RBFOX1: variants seen among roughly 807,000 people sequenced by gnomAD.
The protein encoded by RBFOX1 is RNA binding fox-1 homolog 1.
RBFOX1 carries 8 observed loss-of-function variants against 57.7 expected under a neutral mutation model. That is an observed-to-expected ratio of 0.14 (90% CI 0.08 to 0.25). RBFOX1 has a LOEUF of 0.25. Among genes scored for constraint, RBFOX1 ranks in the 10% least tolerant of loss-of-function variants. RBFOX1 has a pLI of 1.00. For missense variants in RBFOX1, 611 were observed against 548.5 expected, an observed-to-expected ratio of 1.11 and a Z score of -1.14; for synonymous variants, 326 against 222.4, an observed-to-expected ratio of 1.47 and a Z score of -4.15.
chr16:7,500,588 G>T (rs535554147), intron 4 of RBFOX1, among the ~76,000 whole-genome samples: 75 of 152,272 alleles, frequency 4.9e-4, no homozygotes, highest in Middle Eastern at 3.4e-3. Flanking sequence ...ACAGTTTGAT[G>T]CATTGGAAAT....
At position 5,948,822 on chromosome 16, in the gene RBFOX1, G is replaced by A. The variant is rs756255458; in HGVS notation, c.351+81487G>A. 2.0e-5 allele frequency among the ~76,000 whole-genome samples: 3 copies of A among 152,084 alleles called. 1 individual carries two copies. The highest frequency in any genetic ancestry group is 4.2e-4 in the South Asian group (2 of 4,818). On this transcript the variant is annotated intron_variant, in intron 4 of 19. Transcript: ENST00000641259. Reference sequence around the variant, plus strand: ...TGCTTAGATTGTGTTACTTTCTTACGGCATCCCTGGGACACTAATACACAC... The same window carrying A: ...TGCTTAGATTGTGTTACTTTCTTACAGCATCCCTGGGACACTAATACACAC...
At chr16:6,004,431 A>G (rs1293838871) in intron 4 of RBFOX1, among the ~76,000 whole-genome samples, 1 of 152,208 alleles carries the variant, frequency 6.6e-6, no homozygotes, top group African/African-American at 2.4e-5. Flanking sequence ...TGTACATAGG[A>G]AGCATTACTG....
chr16:6,834,630 A>T (rs2092953405), intron 3 of RBFOX1, among the ~76,000 whole-genome samples: 1 of 152,202 alleles, frequency 6.6e-6, no homozygotes, highest in Non-Finnish European at 1.5e-5. Context: ...AAGCAAGGGT[A>T]GACAGATTGT....
chr16:5,419,931 C>A (rs772566224), intron 1 of RBFOX1, among the ~76,000 whole-genome samples: 16 of 152,054 alleles, frequency 1.1e-4, no homozygotes, highest in Middle Eastern at 3.2e-3. Flanking sequence ...GGAAAAGCAG[C>A]CCATGTGAGC....
chr16:6,567,582 C>G (rs899420513), intron 2 of RBFOX1, among the ~76,000 whole-genome samples: 2 of 152,120 alleles, frequency 1.3e-5, no homozygotes, highest in African/African-American at 4.8e-5. Flanking sequence ...TGCTTGTTCT[C>G]AGTCTCTGTC....
chr16:7,469,600 C>G (rs1345689248), intron 4 of RBFOX1, among the ~76,000 whole-genome samples: 1 of 152,148 alleles, frequency 6.6e-6, no homozygotes, highest in African/African-American at 2.4e-5. Flanking sequence ...TGATATAGCC[C>G]TGAGTTCCCA....
intron 4 of RBFOX1, among the ~76,000 whole-genome samples, chr16:7,282,950 GT>G (rs2095576323): frequency 6.6e-6 from 1 of 152,182 alleles, no homozygotes; most frequent in African/African-American, 2.4e-5. Context: ...TCATGTGTGT[GT>G]GTTTGTGTAT....
At chr16:5,344,373 A>C (rs1245497321) in intron 1 of RBFOX1, among the ~76,000 whole-genome samples, 1 of 152,210 alleles carries the variant, frequency 6.6e-6, no homozygotes, top group African/African-American at 2.4e-5. Context: ...CTTTAAAAAC[A>C]ACCTGATTGG....
At chr16:5,844,178 C>A (rs1245280531) in intron 3 of RBFOX1, among the ~76,000 whole-genome samples, 1 of 152,182 alleles carries the variant, frequency 6.6e-6, no homozygotes, top group Non-Finnish European at 1.5e-5. Context: ...ACCTTGAGGT[C>A]TAACGTGTTC....
intron 4 of RBFOX1, among the ~76,000 whole-genome samples, chr16:5,908,618 G>A (rs999932490): frequency 2.6e-5 from 4 of 152,060 alleles, no homozygotes; most frequent in Non-Finnish European, 5.9e-5. Flanking sequence ...CTCCCAAAGT[G>A]CAGAGATTTA....
rs74009273 is a variant in RBFOX1 at position 7,160,442 on chromosome 16, A to G, written c.27+108344A>G. Among the ~76,000 whole-genome samples the G allele has an allele frequency of 9.8e-3, 1,484 of 152,156 alleles. 36 individuals are homozygous for G. Among genetic ancestry groups the G allele is most frequent in the African/African-American group, 0.034 (1,410 of 41,524 alleles). ...TTCCTTCCTTCTTTCGTAAGGTTGC[A>G]CAAAATAATGTACATTAAATGTGTA... On this transcript the variant is annotated intron_variant, in intron 4 of 15. Coordinates refer to ENST00000550418, the MANE Select transcript of RBFOX1 (RefSeq NM_018723.4).
chr16:5,702,961 A>G (rs963458007), intron 3 of RBFOX1, among the ~76,000 whole-genome samples: 7 of 152,310 alleles, frequency 4.6e-5, no homozygotes, highest in Middle Eastern at 3.4e-3. Context: ...GCATGTTACT[A>G]TGTGACAAAC....
chr16:5,371,004 G>A (rs1323420016), intron 1 of RBFOX1, among the ~76,000 whole-genome samples: 2 of 152,236 alleles, frequency 1.3e-5, no homozygotes, highest in Non-Finnish European at 2.9e-5. Context: ...CTGGAGTGCA[G>A]TGGCACGATC....
intron 3 of RBFOX1, among the ~76,000 whole-genome samples, chr16:6,944,117 C>G (rs1039643602): frequency 6.6e-6 from 1 of 152,148 alleles, no homozygotes; most frequent in African/African-American, 2.4e-5. Flanking sequence ...CACACCCTGG[C>G]CAGGCACAGT....
intron 4 of RBFOX1, among the ~76,000 whole-genome samples, chr16:7,354,045 C>T (rs557947870): frequency 3.3e-5 from 5 of 152,258 alleles, no homozygotes; most frequent in South Asian, 2.1e-4. Context: ...GATCTGGGCT[C>T]GCTGCAACCT....
chr16:6,341,494 C>A (rs201332864), intron 2 of RBFOX1, among the ~76,000 whole-genome samples: 7 of 152,028 alleles, frequency 4.6e-5, no homozygotes, highest in African/African-American at 1.7e-4. Flanking sequence ...CTAAACAGAC[C>A]CAGGCTCAGA....
intron 3 of RBFOX1, among the ~76,000 whole-genome samples, chr16:5,630,723 C>T (rs1312162724): frequency 6.6e-6 from 1 of 152,118 alleles, no homozygotes; most frequent in Non-Finnish European, 1.5e-5. Flanking sequence ...GTGGGCTTGT[C>T]ATTCATACCC....
intron 6 of RBFOX1, among the ~76,000 whole-genome samples, chr16:7,582,096 C>A (rs1257365173): frequency 6.7e-6 from 1 of 149,280 alleles, no homozygotes; most frequent in South Asian, 2.2e-4. Context: ...GTGGCATGAT[C>A]TCGGCTCATT....
intron 2 of RBFOX1, among the ~76,000 whole-genome samples, chr16:6,569,505 T>C (rs565340038): frequency 7.2e-5 from 11 of 152,354 alleles, no homozygotes; most frequent in African/African-American, 2.6e-4. Flanking sequence ...CTTCACTAGA[T>C]GGAAGTGTCC....
Sources: allele counts gnomAD v4.1 joint callset (sites outside exome capture counted in the v4.1 genomes callset), GRCh38; gene constraint gnomAD v4.1.1; transcripts MANE v1.5; gene names NCBI Gene and HGNC (gene_info 2026-07-23, HGNC 2026-07-21).